Variants in PEMT observed in about 807,000 individuals in gnomAD.
The protein encoded by PEMT is phospholipid methyltransferase.
A neutral mutation model predicts 27.4 loss-of-function variants in PEMT; 23 were observed. The ratio of observed to expected loss-of-function variants is 0.84; its 90% CI spans 0.60 to 1.19. The LOEUF (loss-of-function observed/expected upper bound fraction) is 1.19, where lower values mean the gene tolerates loss of function less well. PEMT is among the 50% of genes most tolerant of loss of function. The probability of loss-of-function intolerance (pLI) is 0.00; values close to 1 mark genes in which losing one functional copy is unlikely to be tolerated. For missense variants in PEMT, 307 were observed against 310.1 expected (o/e 0.99, Z 0.07); for synonymous variants, 137 against 139.1 (o/e 0.98, Z 0.11).
At chr17:17,524,613 A>AT (rs1907537929) in intron 2 of PEMT, among the ~76,000 whole-genome samples, 1 of 151,732 alleles carries the variant, frequency 6.6e-6, no homozygotes, top group African/African-American at 2.4e-5. Context: ...AAAAAAAAAA[A>AT]AATAATAAAA....
intron 2 of PEMT, among the ~76,000 whole-genome samples, chr17:17,575,582 C>T (rs1319940495): frequency 1.3e-5 from 2 of 152,230 alleles, no homozygotes; most frequent in Non-Finnish European, 2.9e-5. Context: ...AGCCCTGGCT[C>T]CAGAGGCCCA....
intron 2 of PEMT, among the ~76,000 whole-genome samples, chr17:17,556,517 G>A (rs1597928451): frequency 6.6e-6 from 1 of 152,274 alleles, no homozygotes; most frequent in South Asian, 2.1e-4. Context: ...GGGATTACAG[G>A]CACGTGCCAC....
chr17:17,517,968 G>A (rs1906967802), intron 3 of PEMT: 1 of 985,420 alleles, frequency 1.0e-6, no homozygotes, highest in Non-Finnish European at 1.2e-6. Flanking sequence ...CCCAGCCTGG[G>A]AATACCTCCA....
chr17:17,572,728 C>T (rs1302156125), intron 2 of PEMT, among the ~76,000 whole-genome samples: 3 of 152,256 alleles, frequency 2.0e-5, no homozygotes. Flanking sequence ...GCTCAATAAA[C>T]ATTTGAAGAA....
intron 2 of PEMT, among the ~76,000 whole-genome samples, chr17:17,567,017 C>T (rs1323598396): frequency 6.6e-6 from 1 of 152,248 alleles, no homozygotes; most frequent in Non-Finnish European, 1.5e-5. Flanking sequence ...GGTGATTCTG[C>T]TCACACTAGC....
intron 2 of PEMT, among the ~76,000 whole-genome samples, chr17:17,558,492 G>A (rs918354538): frequency 1.4e-5 from 2 of 147,908 alleles, no homozygotes; most frequent in African/African-American, 5.1e-5. Context: ...TGGGCAACAA[G>A]AGTGAAACTC....
intron 2 of PEMT, among the ~76,000 whole-genome samples, chr17:17,532,588 A>G (rs1908176671): frequency 6.6e-6 from 1 of 152,268 alleles, no homozygotes; most frequent in Non-Finnish European, 1.5e-5. Flanking sequence ...AATACTCTCC[A>G]AACTGATCTA....
intron 2 of PEMT, among the ~76,000 whole-genome samples, chr17:17,551,097 C>T (rs1909626759): frequency 6.6e-6 from 1 of 152,140 alleles, no homozygotes; most frequent in Non-Finnish European, 1.5e-5. Flanking sequence ...GTGCAAAGGT[C>T]AGCACCTGGG....
At chr17:17,573,361 G>C (rs1488166305) in intron 2 of PEMT, among the ~76,000 whole-genome samples, 1 of 151,678 alleles carries the variant, frequency 6.6e-6, no homozygotes, top group Non-Finnish European at 1.5e-5. Flanking sequence ...CAGCTACTTG[G>C]GAGGCTGAGG....
chr17:17,579,991 C>T (rs1911881514), intron 1 of PEMT, among the ~76,000 whole-genome samples: 1 of 152,206 alleles, frequency 6.6e-6, no homozygotes, highest in Admixed American at 6.5e-5. Context: ...ACGCCTGGGG[C>T]TGTGAGCCTA....
intron 5 of PEMT, chr17:17,507,817 GA>G (rs1232218242): frequency 6.5e-6 from 1 of 154,006 alleles, no homozygotes; most frequent in Non-Finnish European, 1.4e-5. Flanking sequence ...CGTCTGGCCA[GA>G]TAATGGCTCA....
In PEMT at chr17:17,512,547, G is replaced by A. The variant is rs751359333; in HGVS notation, c.428C>T (p.Ser143Phe). 6.2e-7 allele frequency: 1 copy of A among 1,608,468 alleles called. No individual in the cohort carries two copies. Among genetic ancestry groups the A allele is most frequent in the South Asian group, 1.1e-5 (1 of 90,226 alleles). ...LLGLGVVLVL[S>F]SFFALGFAGT... ...AGCGAACCCCAGTGCAAAGAAGCTG[G>A]AGAGCACGAGCACGACGCCCAGTCC... Residue 143 changes from serine to phenylalanine, a missense_variant, in exon 4 of 7, where the codon TCC becomes TTC. Physicochemically the swap from Ser to Phe is radical, Grantham distance 155. Coordinates refer to ENST00000255389, the MANE Select transcript of PEMT (RefSeq NM_148172.3). This position sits in a 1 kb window ranked among gnomAD's most constrained non-coding sequence, Gnocchi z 6.3.
intron 2 of PEMT, chr17:17,570,994 T>C (rs1911159679): frequency 1.3e-6 from 1 of 795,198 alleles, no homozygotes; most frequent in Non-Finnish European, 1.5e-6. Context: ...GACTCCCACG[T>C]AGGGCCACAG....
chr17:17,554,859 A>ACC (rs949463577), intron 2 of PEMT, among the ~76,000 whole-genome samples: 3 of 151,948 alleles, frequency 2.0e-5, no homozygotes, highest in African/African-American at 7.3e-5. Context: ...CAGGTGATCC[A>ACC]CCCACCTCGG....
At chr17:17,526,442 C>A (rs59311865) in intron 2 of PEMT, among the ~76,000 whole-genome samples, 12 of 152,372 alleles carry the variant, frequency 7.9e-5, no homozygotes, top group Middle Eastern at 3.4e-3. Flanking sequence ...CAGTACCCCC[C>A]ACCCCGATCC....
At chr17:17,547,227 G>A (rs1221486369) in intron 2 of PEMT, among the ~76,000 whole-genome samples, 2 of 152,272 alleles carry the variant, frequency 1.3e-5, no homozygotes, top group Admixed American at 1.3e-4. Flanking sequence ...GCAAGCAAAT[G>A]CCAGCCATAG....
intron 2 of PEMT, among the ~76,000 whole-genome samples, chr17:17,558,963 T>A (rs547401437): frequency 1.3e-5 from 2 of 152,298 alleles, no homozygotes; most frequent in Non-Finnish European, 2.9e-5. Context: ...TCCTTCACCA[T>A]TTCCAAAATG....
intron 2 of PEMT, among the ~76,000 whole-genome samples, chr17:17,567,770 C>T (rs1910929759): frequency 6.6e-6 from 1 of 152,226 alleles, no homozygotes; most frequent in African/African-American, 2.4e-5. Context: ...AGGTCTCAGT[C>T]AGGCCTGATG....
At position 17,522,925 on chromosome 17, in the gene PEMT, C is replaced by T. The variant is rs1008697858; in HGVS notation, c.205-530G>A. On this transcript the variant is annotated intron_variant, in intron 2 of 6. Coordinates refer to ENST00000255389, the MANE Select transcript of PEMT (RefSeq NM_148172.3). ...GCAAAGAAAACCCCTCACCCTCCTC[C>T]CTCTGCCCAAGTGCTCTTCTCAAGG... Among the ~76,000 whole-genome samples, 4 of 152,268 alleles carry T rather than the reference C, an allele frequency of 2.6e-5. No individual in the cohort carries two copies. The East Asian group carries it at 5.8e-4, about 22-fold the overall frequency.
Sources: gnomAD v4.1 joint callset for allele counts (sites outside exome capture counted in the v4.1 genomes callset) on GRCh38, gnomAD v4.1.1 for gene constraint, Gnocchi (gnomAD v3.1) non-coding constraint, MANE v1.5 for transcripts, NCBI Gene and HGNC (gene_info 2026-07-23, HGNC 2026-07-21) for gene names.